LDB2: variants seen among roughly 807,000 people sequenced by gnomAD.
LDB2 encodes the protein LIM domain binding 2.
LDB2 carries 12 observed loss-of-function variants against 44.3 expected under a neutral mutation model. The ratio of observed to expected loss-of-function variants is 0.27; its 90% confidence interval spans 0.17 to 0.44. LDB2 has a LOEUF of 0.44. Among genes scored for constraint, LDB2 ranks in the 20% least tolerant of loss-of-function variants. The probability of loss-of-function intolerance (pLI) is 1.00; values close to 1 mark genes in which losing one functional copy is unlikely to be tolerated. For missense variants in LDB2, 344 were observed against 473.5 expected, an observed-to-expected ratio of 0.73 and a Z score of 2.54; for synonymous variants, 164 against 174.8, an observed-to-expected ratio of 0.94 and a Z score of 0.49.
At chr4:16,852,430 A>G (rs158275) in intron 1 of LDB2, among the ~76,000 whole-genome samples, 37,366 of 152,100 alleles carry the variant, frequency 0.25, 6,071 homozygotes, top group African/African-American at 0.47. Flanking sequence ...TTCCACACAC[A>G]TGGGATGAAC....
At chr4:16,541,131 A>G (rs1733617878) in intron 5 of LDB2, among the ~76,000 whole-genome samples, 1 of 152,078 alleles carries the variant, frequency 6.6e-6, no homozygotes, top group Non-Finnish European at 1.5e-5. Flanking sequence ...AATGGTTTGG[A>G]TATATGTCCC....
intron 1 of LDB2, among the ~76,000 whole-genome samples, chr4:16,818,182 A>G (rs1040311343): frequency 3.9e-5 from 6 of 152,142 alleles, no homozygotes; most frequent in African/African-American, 1.4e-4. Flanking sequence ...TTCTCTGTGT[A>G]GTACCACAAT....
At chr4:16,545,496 T>C (rs1735447650) in intron 5 of LDB2, among the ~76,000 whole-genome samples, 1 of 152,194 alleles carries the variant, frequency 6.6e-6, no homozygotes, top group Non-Finnish European at 1.5e-5. Flanking sequence ...TTCAGAATCT[T>C]CAAAACGTGT....
intron 2 of LDB2, among the ~76,000 whole-genome samples, chr4:16,730,585 T>C (rs1028408517): frequency 6.6e-6 from 1 of 152,184 alleles, no homozygotes; most frequent in African/African-American, 2.4e-5. Flanking sequence ...CCCCAATCTC[T>C]ATAAGGTGGC....
intron 5 of LDB2, among the ~76,000 whole-genome samples, chr4:16,550,501 T>C (rs1737289181): frequency 6.6e-6 from 1 of 152,234 alleles, no homozygotes; most frequent in South Asian, 2.1e-4. Flanking sequence ...AATTTTGTAT[T>C]TCCAAGACAT....
chr4:16,747,049 G>A (rs1764534179), intron 2 of LDB2, among the ~76,000 whole-genome samples: 1 of 152,128 alleles, frequency 6.6e-6, no homozygotes, highest in Non-Finnish European at 1.5e-5. Flanking sequence ...CTTCTTACAA[G>A]TCCCATAACT....
chr4:16,644,284 C>A (rs762790880), intron 2 of LDB2, among the ~76,000 whole-genome samples: 8 of 152,154 alleles, frequency 5.3e-5, no homozygotes, highest in Non-Finnish European at 7.4e-5. Flanking sequence ...GGGACTTGCA[C>A]TTCAATATTT....
At chr4:16,546,529 C>T (rs200735813) in intron 5 of LDB2, among the ~76,000 whole-genome samples, 5 of 152,138 alleles carry the variant, frequency 3.3e-5, no homozygotes, top group Non-Finnish European at 7.3e-5. Flanking sequence ...AGTATGACAG[C>T]GGTCTTCATT....
At chr4:16,736,259 C>T (rs1411358895) in intron 2 of LDB2, among the ~76,000 whole-genome samples, 1 of 152,192 alleles carries the variant, frequency 6.6e-6, no homozygotes, top group Non-Finnish European at 1.5e-5. Flanking sequence ...TACTTCTAAA[C>T]CCTCCTTCAC....
At chr4:16,521,763 T>C (rs1726175213) in intron 5 of LDB2, among the ~76,000 whole-genome samples, 2 of 152,192 alleles carry the variant, frequency 1.3e-5, no homozygotes, top group Non-Finnish European at 2.9e-5. Context: ...CATCTTCCTG[T>C]GATTGTTTGT....
intron 2 of LDB2, among the ~76,000 whole-genome samples, chr4:16,717,890 C>T (rs1029446474): frequency 1.3e-5 from 2 of 152,080 alleles, no homozygotes; most frequent in African/African-American, 2.4e-5. Context: ...AGTTTCTTTG[C>T]TTTAGGCAGG....
chr4:16,869,100 A>G (rs982752621), intron 1 of LDB2, among the ~76,000 whole-genome samples: 3 of 152,120 alleles, frequency 2.0e-5, no homozygotes, highest in Non-Finnish European at 4.4e-5. Flanking sequence ...TCCTTCAGTT[A>G]ATTCTCAACA....
chr4:16,872,865 C>A (rs1717110214), intron 1 of LDB2, among the ~76,000 whole-genome samples: 1 of 152,144 alleles, frequency 6.6e-6, no homozygotes, highest in Non-Finnish European at 1.5e-5. Context: ...TTGAGCTCTG[C>A]AAGCAAAGCA....
chr4:16,546,506 C>T (rs1735798125), intron 5 of LDB2, among the ~76,000 whole-genome samples: 2 of 152,160 alleles, frequency 1.3e-5, no homozygotes, highest in South Asian at 4.1e-4. Context: ...ATCAGAGAAT[C>T]TGGAAACATA....
chr4:16,829,319 C>T (rs1418063340), intron 1 of LDB2, among the ~76,000 whole-genome samples: 12 of 151,988 alleles, frequency 7.9e-5, no homozygotes, highest in Admixed American at 7.9e-4. Context: ...CCAGGAATCC[C>T]CAGAATTAGG....
Position 16,582,182 on chromosome 4 carries a change from T to C in LDB2, c.615+3740A>G, listed in dbSNP as rs902651658. On this transcript the variant is annotated intron_variant, in intron 5 of 7. Transcript: ENST00000304523. The surrounding 1 kb of genome is among the most constrained non-coding windows in gnomAD (Gnocchi z 4.8). Reference sequence around the variant, plus strand: ...TTTCTCTCCAAGAGTGTATTTGTTTTTCTTTCTTACATTCTAGGCAGTGAT... The same window carrying C: ...TTTCTCTCCAAGAGTGTATTTGTTTCTCTTTCTTACATTCTAGGCAGTGAT... Among the ~76,000 whole-genome samples the C allele has an allele frequency of 1.3e-5, 2 of 152,222 alleles. No homozygotes were observed. Among genetic ancestry groups the C allele is most frequent in the Admixed American group, 1.3e-4 (2 of 15,286 alleles).
At chr4:16,712,088 T>C (rs776259514) in intron 2 of LDB2, among the ~76,000 whole-genome samples, 1 of 152,062 alleles carries the variant, frequency 6.6e-6, no homozygotes, top group African/African-American at 2.4e-5. Context: ...TTTTAAAAAA[T>C]TGTGCTTCAA....
rs184045213 is a variant in LDB2, at chr4:16,881,261, T to C, written c.132+17093A>G. On this transcript the variant is annotated intron_variant, in intron 1 of 7. Transcript: ENST00000304523. Reference sequence around the variant, plus strand: ...CAGGCTTAAGTCACAGAGATAGCTCTTGCTACCTCTGAAGCCCTGGGCTAA... The same window carrying C: ...CAGGCTTAAGTCACAGAGATAGCTCCTGCTACCTCTGAAGCCCTGGGCTAA... 8.5e-4 allele frequency among the ~76,000 whole-genome samples: 129 copies of C among 152,272 alleles called. 1 individual carries two copies. Among genetic ancestry groups the C allele is most frequent in the Admixed American group, 2.3e-3 (35 of 15,296 alleles).
intron 7 of LDB2, among the ~76,000 whole-genome samples, chr4:16,503,913 C>T (rs1718321212): frequency 1.3e-5 from 2 of 152,124 alleles, no homozygotes; most frequent in African/African-American, 4.8e-5. Context: ...GGCAGAGCTC[C>T]AGCTTCTTTG....
Sources: gnomAD v4.1 joint callset for allele counts (sites outside exome capture counted in the v4.1 genomes callset) on GRCh38, gnomAD v4.1.1 for gene constraint, Gnocchi (gnomAD v3.1) non-coding constraint, MANE v1.5 for transcripts, NCBI Gene and HGNC (gene_info 2026-07-23, HGNC 2026-07-21) for gene names.